Variants in RAB22A observed in about 807,000 individuals in gnomAD.
The protein encoded by RAB22A is RAB22A, member RAS oncogene family.
Under a neutral mutation model 30.2 loss-of-function variants are expected in RAB22A, and 13 were observed. The observed-to-expected ratio is 0.43, with a 90% CI of 0.28 to 0.68. The LOEUF (loss-of-function observed/expected upper bound fraction) is 0.68, where lower values mean the gene tolerates loss of function less well. RAB22A is among the 30% of genes least tolerant of loss of function. The pLI is 0.18. For synonymous variants in RAB22A, 89 were observed against 87.2 expected (o/e 1.02, Z -0.11); for missense variants, 177 against 246.8 (o/e 0.72, Z 1.89).
intron 3 of RAB22A, among the ~76,000 whole-genome samples, chr20:58,344,294 C>T (rs1986907143): frequency 6.6e-6 from 1 of 152,180 alleles, no homozygotes; most frequent in African/African-American, 2.4e-5. Context: ...CAAAATTGGC[C>T]ACAATGGTTA....
At chr20:58,343,464 C>G (rs533043894) in intron 2 of RAB22A, among the ~76,000 whole-genome samples, 78 of 152,150 alleles carry the variant, frequency 5.1e-4, no homozygotes, top group African/African-American at 1.8e-3. Context: ...GCCAAACTAT[C>G]TCTTGATTCT....
At chr20:58,353,229 A>C in intron 3 of RAB22A, 44 bp from the exon 4 acceptor site, 1 of 1,523,130 alleles carries the variant, frequency 6.6e-7, no homozygotes, top group Non-Finnish European at 9.1e-7. Flanking sequence ...AAACATATTT[A>C]ACCAGTTTTC....
chr20:58,313,965 T>G (rs758803252), intron 2 of RAB22A, among the ~76,000 whole-genome samples: 14 of 152,222 alleles, frequency 9.2e-5, no homozygotes, highest in Non-Finnish European at 1.5e-5. Flanking sequence ...CTGACCCCGA[T>G]CTAGACAAAA....
At position 58,351,754 on chromosome 20, in the gene RAB22A, G is replaced by A. The variant is rs188782524; in HGVS notation, c.199-1519G>A. On this transcript the variant is annotated intron_variant, in intron 3 of 6. Coordinates refer to ENST00000244040, the MANE Select transcript of RAB22A (RefSeq NM_020673.3). Reference sequence around the variant, plus strand: ...CTTGAACCCGGGAGGCGGAGGCTGCGGTGAGCCGAGATCACGCCATTGCAC... The same window carrying A: ...CTTGAACCCGGGAGGCGGAGGCTGCAGTGAGCCGAGATCACGCCATTGCAC... 2.6e-3 allele frequency among the ~76,000 whole-genome samples: 394 copies of A among 152,156 alleles called. 1 individual carries two copies. Among genetic ancestry groups the A allele is most frequent in the African/African-American group, 9.1e-3 (378 of 41,510 alleles).
intron 2 of RAB22A, among the ~76,000 whole-genome samples, chr20:58,328,423 A>G (rs184252886): frequency 1.3e-5 from 2 of 152,116 alleles, no homozygotes; most frequent in Admixed American, 6.5e-5. Flanking sequence ...GACTCAAGCA[A>G]TCCTCCTGTC....
chr20:58,349,868 G>A (rs577642715), intron 3 of RAB22A, among the ~76,000 whole-genome samples: 81 of 152,166 alleles, frequency 5.3e-4, no homozygotes, highest in African/African-American at 1.8e-3. Flanking sequence ...GAAACAGGAA[G>A]GTGTGACCCA....
At chr20:58,353,200 G>T (rs984696043) in intron 3 of RAB22A, 73 bp from the exon 4 acceptor site, 10 of 1,327,506 alleles carry the variant, frequency 7.5e-6, no homozygotes, top group Non-Finnish European at 9.6e-6. Context: ...AGGGATAATG[G>T]GCTTATAAAT....
At chr20:58,356,820 T>C (rs1987136792) in intron 6 of RAB22A, among the ~76,000 whole-genome samples, 1 of 152,222 alleles carries the variant, frequency 6.6e-6, no homozygotes, top group Admixed American at 6.5e-5. Flanking sequence ...AATGATCCAC[T>C]CTCATGGCTG....
chr20:58,357,438 T>C (rs1345605660), intron 6 of RAB22A, among the ~76,000 whole-genome samples: 3 of 152,236 alleles, frequency 2.0e-5, no homozygotes, highest in Admixed American at 2.0e-4. Context: ...ACTCCTTCGA[T>C]GGATTGAAGT....
chr20:58,352,203 A>G (rs906673256), intron 3 of RAB22A, among the ~76,000 whole-genome samples: 18 of 152,204 alleles, frequency 1.2e-4, no homozygotes, highest in African/African-American at 4.3e-4. Flanking sequence ...AATTTATCGT[A>G]AAACTCAAAT....
chr20:58,324,143 T>C (rs1209494123), intron 2 of RAB22A, among the ~76,000 whole-genome samples: 2 of 152,216 alleles, frequency 1.3e-5, no homozygotes, highest in Non-Finnish European at 2.9e-5. Context: ...AAATTGCTCT[T>C]ATTCCTTCCT....
intron 2 of RAB22A, among the ~76,000 whole-genome samples, chr20:58,323,625 C>CT (rs564661032): frequency 0.022 from 3,004 of 136,690 alleles, 42 homozygotes; most frequent in Middle Eastern, 0.043. Context: ...TTTTTTTTTT[C>CT]TTTTTTTTTC....
At chr20:58,330,643 CTT>C (rs1400873131) in intron 2 of RAB22A, among the ~76,000 whole-genome samples, 1 of 152,178 alleles carries the variant, frequency 6.6e-6, no homozygotes, top group Non-Finnish European at 1.5e-5. Flanking sequence ...CATCTTAACA[CTT>C]TGTTCAGACG....
chr20:58,355,436 T>C (rs1987115035), intron 6 of RAB22A, among the ~76,000 whole-genome samples: 1 of 152,182 alleles, frequency 6.6e-6, no homozygotes, highest in Non-Finnish European at 1.5e-5. Flanking sequence ...CAGAGTACTT[T>C]GCAGGCCTAA....
Position 58,332,985 on chromosome 20 carries a change from T to A in RAB22A, c.117-10733T>A, listed in dbSNP as rs1050055612. ...CAGCATCTTTAACATAGTTTAAAAA[T>A]ATATATATATAGGCGGGGTGTGGTG... On this transcript the variant is annotated intron_variant, in intron 2 of 6. Coordinates refer to ENST00000244040, the MANE Select transcript of RAB22A (RefSeq NM_020673.3). 9.2e-5 allele frequency among the ~76,000 whole-genome samples: 14 copies of A among 151,762 alleles called. No homozygotes were observed. The South Asian group carries it at 2.1e-3, about 23-fold the overall frequency.
intron 6 of RAB22A, among the ~76,000 whole-genome samples, chr20:58,354,740 T>G (rs768401820): frequency 2.3e-4 from 35 of 152,214 alleles, no homozygotes; most frequent in Admixed American, 3.9e-4. Flanking sequence ...GAGGGGCTGC[T>G]GCATGCCTTT....
At chr20:58,313,161 C>G (rs567130058) in intron 2 of RAB22A, among the ~76,000 whole-genome samples, 7 of 152,196 alleles carry the variant, frequency 4.6e-5, no homozygotes, top group South Asian at 2.1e-4. Context: ...GAGGCACGCC[C>G]CATCCTGAGT....
rs747728739 is a variant in RAB22A at position 58,358,440 on chromosome 20, G to A, written c.488-1166G>A. The stretch of plus-strand genomic sequence containing the variant: ...TACCGTGACCTAGCTCTTCCACTCC[G>A]GGCATTAATCCTACACACATACTCG... On this transcript the variant is annotated intron_variant, in intron 6 of 6. Transcript: ENST00000244040. Among the ~76,000 whole-genome samples, 8 of 152,098 alleles carry A rather than the reference G, an allele frequency of 5.3e-5. No homozygotes were observed. In the East Asian group the frequency reaches 7.7e-4, roughly 15 times the overall value.
intron 2 of RAB22A, among the ~76,000 whole-genome samples, chr20:58,314,005 C>G (rs537920759): frequency 6.6e-6 from 1 of 151,882 alleles, no homozygotes; most frequent in Non-Finnish European, 1.5e-5. Flanking sequence ...ACCTTACCTA[C>G]AAGAAGCTAC....
Sources: allele counts gnomAD v4.1 joint callset (sites outside exome capture counted in the v4.1 genomes callset), GRCh38; gene constraint gnomAD v4.1.1; transcripts MANE v1.5; gene names NCBI Gene and HGNC (gene_info 2026-07-23, HGNC 2026-07-21).